The following TRPM3 variants were observed in gnomAD, a reference collection of about 807,000 sequenced individuals.
TRPM3 encodes long transient receptor potential channel 3.
TRPM3 carries 77 observed loss-of-function variants against 181.2 expected under a neutral mutation model. The observed-to-expected ratio is 0.42, with a 90% CI of 0.35 to 0.51. The LOEUF (loss-of-function observed/expected upper bound fraction) is 0.51. TRPM3 is among the 20% of genes least tolerant of loss of function. The pLI is 0.01. For missense variants in TRPM3, 1,759 were observed against 2,196.7 expected (o/e 0.80, Z 3.98); for synonymous variants, 745 against 796.4 (o/e 0.94, Z 1.09).
At chr9:71,353,387 T>C (rs1440345938) in intron 1 of TRPM3, among the ~76,000 whole-genome samples, 1 of 152,038 alleles carries the variant, frequency 6.6e-6, no homozygotes, top group Non-Finnish European at 1.5e-5. Flanking sequence ...GTTGAGTAAA[T>C]GGGTGAATGC....
chr9:71,084,552 A>G (rs375386576), intron 1 of TRPM3, among the ~76,000 whole-genome samples: 20 of 152,170 alleles, frequency 1.3e-4, no homozygotes, highest in Non-Finnish European at 1.9e-4. Flanking sequence ...AATACCTAGA[A>G]CTACATCTAA....
chr9:71,446,604 C>T, intron 1 of TRPM3: 1 of 1,527,662 alleles, frequency 6.5e-7, no homozygotes, highest in Non-Finnish European at 8.8e-7. Flanking sequence ...AAGTCGCGTG[C>T]GAAGGGAGAA....
intron 1 of TRPM3, among the ~76,000 whole-genome samples, chr9:71,136,337 T>A (rs1175606358): frequency 6.6e-6 from 1 of 152,202 alleles, no homozygotes; most frequent in Non-Finnish European, 1.5e-5. Flanking sequence ...ATTGCTAGGC[T>A]CAGCCTGTTC....
At chr9:70,671,024 A>G (rs1444318165) in intron 9 of TRPM3, among the ~76,000 whole-genome samples, 10 of 152,168 alleles carry the variant, frequency 6.6e-5, no homozygotes, top group African/African-American at 1.9e-4. Flanking sequence ...TTCCGACTCT[A>G]TGCCAGGCAC....
chr9:70,584,366 AC>A (rs2132414699), intron 22 of TRPM3, among the ~76,000 whole-genome samples: 1 of 152,172 alleles, frequency 6.6e-6, no homozygotes, highest in South Asian at 2.1e-4. Flanking sequence ...CCTTTTCCAA[AC>A]CACTGTTTTT....
intron 1 of TRPM3, among the ~76,000 whole-genome samples, chr9:71,016,235 GGT>G (rs145080356): frequency 0.13 from 18,352 of 146,228 alleles, 1,341 homozygotes; most frequent in Admixed American, 0.18. Flanking sequence ...ATACATGTGT[GGT>G]GTGTGTGTGT....
chr9:70,603,568 G>T, intron 19 of TRPM3, 98 bp from the exon 20 acceptor site: 1 of 1,348,772 alleles, frequency 7.4e-7, no homozygotes. Flanking sequence ...GGGTCAGCAA[G>T]CAGGACACAG....
At chr9:70,743,152 G>A (rs1443306025) in intron 8 of TRPM3, among the ~76,000 whole-genome samples, 1 of 152,182 alleles carries the variant, frequency 6.6e-6, no homozygotes, top group African/African-American at 2.4e-5. Flanking sequence ...GGTTAGACTA[G>A]AGTACAAGTA....
At chr9:71,369,537 C>G (rs1036664823) in intron 1 of TRPM3, among the ~76,000 whole-genome samples, 4 of 152,148 alleles carry the variant, frequency 2.6e-5, no homozygotes, top group African/African-American at 9.7e-5. Flanking sequence ...CAGAGTCTCA[C>G]TCTGTCGCCA....
In TRPM3 at chr9:71,002,371, T is replaced by A. The variant is rs77606109; in HGVS notation, c.177+118807A>T. The stretch of plus-strand genomic sequence containing the variant: ...GGAGCCAGCGGTTTTAGCTTTTGAA[T>A]CTTGAAAATAAGTATCTGTCTCAGG... On this transcript the variant is annotated intron_variant, in intron 1 of 25. Coordinates refer to ENST00000677713, the MANE Select transcript of TRPM3 (RefSeq NM_001366145.2). 4.9e-3 allele frequency among the ~76,000 whole-genome samples: 750 copies of A among 152,308 alleles called. 18 individuals carry two copies. In the East Asian group the frequency reaches 0.077, roughly 16 times the overall value.
chr9:70,951,424 C>T (rs185041117), intron 1 of TRPM3, among the ~76,000 whole-genome samples: 415 of 152,266 alleles, frequency 2.7e-3, no homozygotes, highest in African/African-American at 9.7e-3. Context: ...TCACTGCAAC[C>T]TCCACCTCCC....
chr9:70,691,089 T>C (rs1317902699), intron 8 of TRPM3, among the ~76,000 whole-genome samples: 3 of 152,174 alleles, frequency 2.0e-5, no homozygotes, highest in Non-Finnish European at 4.4e-5. Context: ...AAAAGATCAG[T>C]GGAAAGTGAA....
rs536645470 is a variant in TRPM3, at chr9:71,392,113, A to G, written c.183+54540T>C. Among the ~76,000 whole-genome samples the G allele has an allele frequency of 2.0e-5, 3 of 152,274 alleles. No homozygotes were observed. In the South Asian group the frequency reaches 6.2e-4, roughly 32 times the overall value. On this transcript the variant is annotated intron_variant, in intron 1 of 24. Transcript: ENST00000357533. ...TAAAAAGAGAAAAGCCAATTTAGAAAATATGACAATGAAAATTAGGCAGAC... is the reference window on the plus strand; with the variant it reads ...TAAAAAGAGAAAAGCCAATTTAGAAGATATGACAATGAAAATTAGGCAGAC...
chr9:71,059,642 G>A (rs1311011858), intron 1 of TRPM3, among the ~76,000 whole-genome samples: 2 of 152,026 alleles, frequency 1.3e-5, no homozygotes, highest in Non-Finnish European at 2.9e-5. Flanking sequence ...GATAATGTAT[G>A]TGGGACTTAT....
At chr9:71,396,836 C>T (rs780607370) in intron 1 of TRPM3, among the ~76,000 whole-genome samples, 26 of 151,778 alleles carry the variant, frequency 1.7e-4, no homozygotes, top group African/African-American at 2.2e-4. Flanking sequence ...CATGGTGGCA[C>T]GTGCCTGTAG....
chr9:71,299,286 T>C (rs772183630), intron 1 of TRPM3, among the ~76,000 whole-genome samples: 1 of 152,206 alleles, frequency 6.6e-6, no homozygotes, highest in Non-Finnish European at 1.5e-5. Context: ...AACAAAATCA[T>C]GTATTTATTT....
At chr9:71,396,491 C>A (rs1328023495) in intron 1 of TRPM3, among the ~76,000 whole-genome samples, 2 of 151,890 alleles carry the variant, frequency 1.3e-5, no homozygotes, top group African/African-American at 4.8e-5. Context: ...GGGTTCATTA[C>A]CATGGAAAAG....
At chr9:70,700,670 A>T (rs1032224837) in intron 8 of TRPM3, among the ~76,000 whole-genome samples, 1 of 152,238 alleles carries the variant, frequency 6.6e-6, no homozygotes, top group South Asian at 2.1e-4. Flanking sequence ...CCATAGAACA[A>T]TGTGTGTGTA....
intron 1 of TRPM3, among the ~76,000 whole-genome samples, chr9:71,437,616 C>T (rs1375154616): frequency 2.6e-5 from 4 of 152,028 alleles, no homozygotes; most frequent in Non-Finnish European, 4.4e-5. Context: ...CATGCCTGTC[C>T]TAGCAGTTTG....
Sources: allele counts gnomAD v4.1 joint callset (sites outside exome capture counted in the v4.1 genomes callset), GRCh38; gene constraint gnomAD v4.1.1; transcripts MANE v1.5; gene names NCBI Gene and HGNC (gene_info 2026-07-23, HGNC 2026-07-21).